Variants in EGFLAM observed in about 807,000 individuals in gnomAD.
EGFLAM encodes the protein EGF like, fibronectin type III and laminin G domains.
EGFLAM carries 79 observed loss-of-function variants against 113.1 expected under a neutral mutation model. The ratio of observed to expected loss-of-function variants is 0.70; its 90% CI spans 0.58 to 0.84. The LOEUF (loss-of-function observed/expected upper bound fraction) is 0.84, where lower values mean the gene tolerates loss of function less well. EGFLAM is among the 40% of genes least tolerant of loss of function. The probability of loss-of-function intolerance (pLI) is 0.00; values close to 1 mark genes in which losing one functional copy is unlikely to be tolerated. For synonymous variants in EGFLAM, 504 were observed against 487.6 expected, an observed-to-expected ratio of 1.03 and a Z score of -0.44; for missense variants, 1,265 against 1,291.6, an observed-to-expected ratio of 0.98 and a Z score of 0.32.
intron 13 of EGFLAM, among the ~76,000 whole-genome samples, chr5:38,425,489 T>A (rs1313544639): frequency 1.3e-5 from 2 of 152,092 alleles, no homozygotes; most frequent in African/African-American, 4.8e-5. Flanking sequence ...TTTTAACAAA[T>A]CTAACAAAGC....
At chr5:38,277,516 A>AT in intron 1 of EGFLAM, among the ~76,000 whole-genome samples, 1 of 152,298 alleles carries the variant, frequency 6.6e-6, no homozygotes, top group African/African-American at 2.4e-5. Flanking sequence ...AAGGATGTCC[A>AT]TTTTCCCTAC....
At chr5:38,261,574 T>C (rs1757502154) in intron 1 of EGFLAM, among the ~76,000 whole-genome samples, 1 of 152,154 alleles carries the variant, frequency 6.6e-6, no homozygotes, top group Non-Finnish European at 1.5e-5. Context: ...CTCAGAACAC[T>C]GTGTTTGCAG....
intron 3 of EGFLAM, among the ~76,000 whole-genome samples, chr5:38,349,634 C>G (rs183643995): frequency 6.6e-6 from 1 of 152,072 alleles, no homozygotes; most frequent in Non-Finnish European, 1.5e-5. Flanking sequence ...TGCTTCCCAC[C>G]GATCAGACCC....
intron 11 of EGFLAM, among the ~76,000 whole-genome samples, chr5:38,414,483 G>C (rs1436685699): frequency 2.6e-5 from 4 of 152,154 alleles, no homozygotes; most frequent in Non-Finnish European, 4.4e-5. Context: ...AAGAATTATA[G>C]GCTGTGTTAA....
chr5:38,363,064 A>G (rs181097251), intron 5 of EGFLAM, among the ~76,000 whole-genome samples: 1 of 152,214 alleles, frequency 6.6e-6, no homozygotes, highest in Non-Finnish European at 1.5e-5. Context: ...GGTTAAACCA[A>G]TTTGTAAATA....
chr5:38,290,005 G>T (rs891536299), intron 1 of EGFLAM, among the ~76,000 whole-genome samples: 2 of 152,194 alleles, frequency 1.3e-5, no homozygotes, highest in Non-Finnish European at 2.9e-5. Flanking sequence ...GCTCACAACA[G>T]TTATTCAGGT....
At chr5:38,429,252 A>C (rs1742110492) in intron 14 of EGFLAM, among the ~76,000 whole-genome samples, 1 of 152,260 alleles carries the variant, frequency 6.6e-6, no homozygotes, top group African/African-American at 2.4e-5. Flanking sequence ...TCTGCAGTAC[A>C]AAAACATGAA....
intron 6 of EGFLAM, among the ~76,000 whole-genome samples, chr5:38,396,101 G>T (rs1348394834): frequency 6.9e-6 from 1 of 144,296 alleles, no homozygotes; most frequent in Non-Finnish European, 1.5e-5. Context: ...ATCCCAACCT[G>T]CTCCCACCCC....
chr5:38,360,034 G>C (rs1371405026), intron 5 of EGFLAM, among the ~76,000 whole-genome samples: 1 of 152,118 alleles, frequency 6.6e-6, no homozygotes, highest in Non-Finnish European at 1.5e-5. Flanking sequence ...TGATATTTTT[G>C]TCAAAAGTCA....
chr5:38,305,641 T>G lies in EGFLAM; in HGVS notation c.98-31879T>G, dbSNP rs2111841351. ...AGGTCAGTAGGCTCTGGATGAAACT[T>G]ATTCCCCAAAATAATGTTGATAAAA... On this transcript the variant is annotated intron_variant, in intron 1 of 21. Transcript: ENST00000322350. The G allele has an allele frequency of 2.0e-5, 4 of 202,036 alleles. No homozygotes were observed. In the South Asian group the frequency reaches 2.2e-4, roughly 11 times the overall value. 12.5% of individuals were successfully genotyped at this position (202,036 alleles called of 1,614,324 possible). A position where few individuals can be genotyped will look rare whatever the true frequency, so the allele number is the denominator to read the frequency against.
At chr5:38,323,463 A>G (rs1561277894) in intron 1 of EGFLAM, among the ~76,000 whole-genome samples, 1 of 152,232 alleles carries the variant, frequency 6.6e-6, no homozygotes, top group Non-Finnish European at 1.5e-5. Context: ...GTTTACAGGA[A>G]CACAGCTTCA....
At chr5:38,319,840 G>A (rs1175628137) in intron 1 of EGFLAM, among the ~76,000 whole-genome samples, 1 of 152,250 alleles carries the variant, frequency 6.6e-6, no homozygotes, top group African/African-American at 2.4e-5. Context: ...TGGGGCTCAG[G>A]CAGGAGCAGG....
At chr5:38,418,524 A>G (rs983761134) in intron 12 of EGFLAM, among the ~76,000 whole-genome samples, 4 of 152,214 alleles carry the variant, frequency 2.6e-5, no homozygotes, top group African/African-American at 9.6e-5. Context: ...GGGCCTCATC[A>G]TGAAATATGG....
In EGFLAM at chr5:38,280,377, C is replaced by T. The variant is rs77848851; in HGVS notation, c.97+21526C>T. ...TGCCCTGCTCAGTGTTCTATGGGGC[C>T]TGACCTCACTAGCTGTATCACCTAC... is the stretch of plus-strand genomic sequence containing the variant. On this transcript the variant is annotated intron_variant, in intron 1 of 21. Coordinates refer to ENST00000322350, the MANE Select transcript of EGFLAM (RefSeq NM_152403.4). Among the ~76,000 whole-genome samples, 736 of 152,338 alleles carry T rather than the reference C, an allele frequency of 4.8e-3. 10 individuals carry two copies. The highest frequency in any genetic ancestry group is 0.017 in the African/African-American group (692 of 41,578).
chr5:38,277,846 T>G (rs1757923504), intron 1 of EGFLAM, among the ~76,000 whole-genome samples: 1 of 152,222 alleles, frequency 6.6e-6, no homozygotes, highest in Middle Eastern at 3.4e-3. Flanking sequence ...GTGACAGATC[T>G]CTACACTGAA....
At chr5:38,338,993 C>T (rs990262855) in intron 3 of EGFLAM, among the ~76,000 whole-genome samples, 10 of 152,210 alleles carry the variant, frequency 6.6e-5, no homozygotes, top group South Asian at 4.1e-4. Flanking sequence ...AGAGTCCTGG[C>T]GTAAACGCTT....
At chr5:38,421,334 AT>A (rs755878001) in intron 12 of EGFLAM, among the ~76,000 whole-genome samples, 1 of 152,158 alleles carries the variant, frequency 6.6e-6, no homozygotes, top group Non-Finnish European at 1.5e-5. Context: ...GCTCTTGATT[AT>A]TTCCATTCAG....
chr5:38,273,402 A>G (rs1206169918), intron 1 of EGFLAM, among the ~76,000 whole-genome samples: 1 of 152,238 alleles, frequency 6.6e-6, no homozygotes, highest in Admixed American at 6.5e-5. Flanking sequence ...CTGGCCAACT[A>G]CAGAGGCTTT....
chr5:38,411,369 A>C (rs552295479), intron 10 of EGFLAM, among the ~76,000 whole-genome samples: 1 of 152,076 alleles, frequency 6.6e-6, no homozygotes, highest in Non-Finnish European at 1.5e-5. Context: ...CGGAGGTTGC[A>C]GTGAGCAGAG....
Sources: allele counts gnomAD v4.1 joint callset (sites outside exome capture counted in the v4.1 genomes callset), GRCh38; gene constraint gnomAD v4.1.1; transcripts MANE v1.5; gene names NCBI Gene and HGNC (gene_info 2026-07-23, HGNC 2026-07-21).